Variants in MAOA observed in about 807,000 individuals in gnomAD.
The protein encoded by MAOA is amine oxidase [flavin-containing] A.
A neutral mutation model predicts 42.0 loss-of-function variants in MAOA; 6 were observed. The ratio of observed to expected loss-of-function variants is 0.14; its 90% CI spans 0.08 to 0.28. MAOA has a LOEUF of 0.28. MAOA is among the 10% of genes least tolerant of loss of function. MAOA has a pLI of 1.00. For synonymous variants in MAOA, 140 were observed against 154.0 expected (o/e 0.91, Z 0.67); for missense variants, 262 against 422.3 (o/e 0.62, Z 3.33).
intron 1 of MAOA, among the ~76,000 whole-genome samples, chrX:43,670,802 T>A: frequency 9.1e-6 from 1 of 109,819 alleles, no homozygotes; most frequent in Non-Finnish European, 1.9e-5. Flanking sequence ...TAGTATTCCA[T>A]GGTGTATATG....
At chrX:43,665,619 G>T (rs1179939376) in intron 1 of MAOA, among the ~76,000 whole-genome samples, 1 of 111,547 alleles carries the variant, frequency 9.0e-6, no homozygotes, top group African/African-American at 3.3e-5. Context: ...AAATAAATTA[G>T]GACTGTCTAG....
At chrX:43,734,124 T>G (rs2033902468) in intron 9 of MAOA, among the ~76,000 whole-genome samples, 2 of 102,664 alleles carry the variant, frequency 1.9e-5, no homozygotes, top group Admixed American at 1.0e-4. Context: ...CTGCTGTTTT[T>G]GGGCTTTCTT....
intron 3 of MAOA, 39 bp downstream of exon 3, chrX:43,693,467 C>G: frequency 8.4e-7 from 1 of 1,188,451 alleles, no homozygotes; most frequent in Non-Finnish European, 1.1e-6. Context: ...GATAGGGAAG[C>G]ATTTTATTTG....
At chrX:43,684,225 G>C (rs2147081163) in intron 2 of MAOA, among the ~76,000 whole-genome samples, 1 of 111,569 alleles carries the variant, frequency 9.0e-6, no homozygotes, top group South Asian at 3.7e-4. Context: ...CTACATCGCT[G>C]CTTTTTTTAT....
chrX:43,704,523 G>T (rs1361590732), intron 3 of MAOA, among the ~76,000 whole-genome samples: 4 of 111,297 alleles, frequency 3.6e-5, no homozygotes, highest in Non-Finnish European at 7.5e-5. Flanking sequence ...AAAACCCACA[G>T]CTACCATAAT....
intron 5 of MAOA, among the ~76,000 whole-genome samples, chrX:43,722,172 G>A (rs945710794): frequency 1.8e-5 from 2 of 112,111 alleles, no homozygotes; most frequent in South Asian, 3.7e-4. Flanking sequence ...TGTCTTTATA[G>A]TAGAATGATT....
rs181354781 is a variant in MAOA at position 43,710,167 on chromosome X, C to T, written c.307-1705C>T. ...TCACAGGGTTGGAGTGAGCATTGCA[C>T]GAGATAATGCATATGAAGGGCTTTA... On this transcript the variant is annotated intron_variant, in intron 3 of 14. Coordinates refer to ENST00000338702, the MANE Select transcript of MAOA (RefSeq NM_000240.4). 2.8e-3 allele frequency among the ~76,000 whole-genome samples: 314 copies of T among 112,136 alleles called. 2 individuals carry two copies. The highest frequency in any genetic ancestry group is 9.7e-3 in the African/African-American group (299 of 30,885).
At chrX:43,732,464 T>TG (rs2033889298) in intron 8 of MAOA, among the ~76,000 whole-genome samples, 1 of 111,333 alleles carries the variant, frequency 9.0e-6, no homozygotes, top group South Asian at 3.8e-4. Flanking sequence ...ATGCATTGGC[T>TG]GGTCATAAGC....
chrX:43,728,054 G>GT (rs1225203833), intron 5 of MAOA, 119 bp from the exon 6 acceptor site: 3 of 702,342 alleles, frequency 4.3e-6, no homozygotes, highest in Non-Finnish European at 6.8e-6. Context: ...ATCCTTGAGA[G>GT]TTTTTTTCAA....
chrX:43,655,065 A>T (rs2033163823), upstream of MAOA: 1 of 112,593 alleles, frequency 8.9e-6, no homozygotes, highest in South Asian at 3.4e-4. Context: ...CTCCAGAAAC[A>T]TGAGCACAAA....
chrX:43,727,854 C>A (rs1258871833), intron 5 of MAOA, among the ~76,000 whole-genome samples: 1 of 111,993 alleles, frequency 8.9e-6, no homozygotes, highest in South Asian at 3.7e-4. Context: ...ATGAGATGAA[C>A]CAGGTACCTC....
At chrX:43,675,824 G>A (rs908649406) in intron 1 of MAOA, among the ~76,000 whole-genome samples, 1 of 111,559 alleles carries the variant, frequency 9.0e-6, no homozygotes, top group Non-Finnish European at 1.9e-5. Flanking sequence ...AGGAGTACCC[G>A]GCCTTGTGAG....
rs1295622070 is a variant in MAOA, at chrX:43,717,272, G to A, written c.503+4476G>A. Among the ~76,000 whole-genome samples the A allele has an allele frequency of 6.3e-5, 7 of 111,416 alleles. No individual in the cohort carries two copies. The Admixed American group carries it at 6.6e-4, about 11-fold the overall frequency. ...ACCAAAATGACCCAGAGGAATAGTA[G>A]GGAAATAGGACAGTTGCATGGCATG... On this transcript the variant is annotated intron_variant, in intron 5 of 14. Transcript: ENST00000338702.
At chrX:43,669,778 C>T (rs1450577123) in intron 1 of MAOA, among the ~76,000 whole-genome samples, 1 of 111,942 alleles carries the variant, frequency 8.9e-6, no homozygotes, top group Non-Finnish European at 1.9e-5. Context: ...TAAGGACCTC[C>T]ATAGCACCTT....
chrX:43,687,376 C>T (rs1285345770), intron 2 of MAOA, among the ~76,000 whole-genome samples: 1 of 112,255 alleles, frequency 8.9e-6, no homozygotes, highest in Non-Finnish European at 1.9e-5. Flanking sequence ...TGTTTGGAAA[C>T]TCCCAGGAGT....
In MAOA at chrX:43,712,390, C is replaced by G. The variant is rs184268339; in HGVS notation, c.412-315C>G. 5.9e-4 allele frequency among the ~76,000 whole-genome samples: 66 copies of G among 111,605 alleles called. 1 individual carries two copies. The South Asian group carries it at 9.5e-3, about 16-fold the overall frequency. On this transcript the variant is annotated intron_variant, in intron 4 of 14. Transcript: ENST00000338702. ...TACTTAGTCTTAGGCTCTGTAATAT[C>G]AATTTGGGACATAAAATGGTTATTA...
rs979287301 is a variant in MAOA at position 43,693,419 on chromosome X, A to G, written c.297A>G (p.Gln99=). 1 of 1,209,181 alleles carries G rather than the reference A, an allele frequency of 8.3e-7. No homozygotes were observed. The change falls in exon 3 of 15, where the codon CAA becomes CAG. Residue 99 remains glutamine, a synonymous_variant. Coordinates refer to ENST00000338702, the MANE Select transcript of MAOA (RefSeq NM_000240.4). Reference sequence around the variant, plus strand: ...TGAATGTCAGTGAGCGTCTCGTTCAATATGTCAAGGTAAGGCTGACTTTTC... The same window carrying G: ...TGAATGTCAGTGAGCGTCTCGTTCAGTATGTCAAGGTAAGGCTGACTTTTC... ...YKVNVSERLV[Q]YVKGKTYPFR...
At chrX:43,672,391 A>G (rs2033345299) in intron 1 of MAOA, among the ~76,000 whole-genome samples, 1 of 110,850 alleles carries the variant, frequency 9.0e-6, no homozygotes, top group African/African-American at 3.3e-5. Flanking sequence ...GTCTGCAAAC[A>G]GGGACAATTT....
chrX:43,657,981 G>T, intron 1 of MAOA: 2 of 658,843 alleles, frequency 3.0e-6, no homozygotes, highest in African/African-American at 4.8e-5. Flanking sequence ...TAAGAAAAAG[G>T]AGTATTTCAG....
Sources: gnomAD v4.1 joint callset for allele counts (sites outside exome capture counted in the v4.1 genomes callset) on GRCh38, gnomAD v4.1.1 for gene constraint, MANE v1.5 for transcripts, NCBI Gene and HGNC (gene_info 2026-07-23, HGNC 2026-07-21) for gene names.